ATP6V1D: variants seen among roughly 807,000 people sequenced by gnomAD.
ATP6V1D encodes the protein V-type proton ATPase subunit D.
In ATP6V1D, 20 loss-of-function variants were observed where a neutral mutation model predicts 39.4. The observed-to-expected ratio is 0.51, with a 90% CI of 0.36 to 0.74. The LOEUF is 0.74. ATP6V1D is among the 30% of genes least tolerant of loss of function. The pLI is 0.00. For synonymous variants in ATP6V1D, 100 were observed against 100.5 expected, an observed-to-expected ratio of 0.99 and a Z score of 0.03; for missense variants, 228 against 291.6, an observed-to-expected ratio of 0.78 and a Z score of 1.59.
At chr14:67,357,987 G>C (rs771367873) in intron 1 of ATP6V1D, among the ~76,000 whole-genome samples, 2 of 152,022 alleles carry the variant, frequency 1.3e-5, no homozygotes, top group African/African-American at 4.8e-5. Context: ...AGCCTGTTTC[G>C]TAAATGCTCT....
intron 1 of ATP6V1D, among the ~76,000 whole-genome samples, chr14:67,353,399 C>G (rs776319056): frequency 1.3e-5 from 2 of 152,102 alleles, no homozygotes; most frequent in East Asian, 1.9e-4. Flanking sequence ...ACCTGTAATC[C>G]CAGCTACAGG....
intron 6 of ATP6V1D, among the ~76,000 whole-genome samples, chr14:67,344,726 A>G (rs1325423523): frequency 6.6e-6 from 1 of 151,836 alleles, no homozygotes; most frequent in African/African-American, 2.4e-5. Flanking sequence ...TAAAAAATTC[A>G]AAAATATTAT....
chr14:67,346,832 G>T (rs900822164), intron 5 of ATP6V1D, among the ~76,000 whole-genome samples: 1 of 152,124 alleles, frequency 6.6e-6, no homozygotes, highest in Non-Finnish European at 1.5e-5. Context: ...TGTGGGTGTA[G>T]GATATGCAGA....
intron 4 of ATP6V1D, 53 bp from the exon 5 acceptor site, chr14:67,347,506 T>TC (rs1260908990): frequency 6.8e-7 from 1 of 1,480,590 alleles, no homozygotes; most frequent in Non-Finnish European, 9.2e-7. Context: ...TTCTCTCTTT[T>TC]TTTTTTTTTT....
intron 1 of ATP6V1D, among the ~76,000 whole-genome samples, chr14:67,353,397 T>G (rs1361914391): frequency 6.6e-6 from 1 of 152,128 alleles, no homozygotes; most frequent in Non-Finnish European, 1.5e-5. Flanking sequence ...ACACCTGTAA[T>G]CCCAGCTACA....
intron 2 of ATP6V1D, 61 bp downstream of exon 2, chr14:67,352,862 T>A (rs75969190): frequency 9.8e-7 from 1 of 1,024,822 alleles, no homozygotes; most frequent in African/African-American, 1.6e-5. Context: ...AAAAAAAAAA[T>A]GCCAAGGGCC....
At chr14:67,339,025 G>C (rs953299279) in intron 8 of ATP6V1D, among the ~76,000 whole-genome samples, 17 of 112,086 alleles carry the variant, frequency 1.5e-4, no homozygotes, top group Admixed American at 1.2e-4. Context: ...ATGGAGTCTT[G>C]CTCTGTCGCC....
chr14:67,350,383 G>A (rs1241831614), intron 3 of ATP6V1D, among the ~76,000 whole-genome samples: 2 of 152,126 alleles, frequency 1.3e-5, no homozygotes, highest in African/African-American at 4.8e-5. Context: ...AACGTTAAAT[G>A]AAAATGGACT....
Position 67,338,643 on chromosome 14 carries a change from T to C in ATP6V1D, c.722A>G (p.Asp241Gly), listed in dbSNP as rs1463666599. ...EPANLLAEEK[D>G]EDLLFE Reference sequence around the variant, plus strand: ...AGATTATTCAAATAGAAGATCCTCGTCCTTCTCTTCAGCCAGAAGATTAGC... The same window carrying C: ...AGATTATTCAAATAGAAGATCCTCGCCCTTCTCTTCAGCCAGAAGATTAGC... The change falls in exon 9 of 9, where the codon GAC becomes GGC. Residue 241 changes from aspartate (D) to glycine (G), a missense_variant. Physicochemically the swap from Asp to Gly is moderately conservative, Grantham distance 94 (BLOSUM62 -1). Coordinates refer to ENST00000216442, the MANE Select transcript of ATP6V1D (RefSeq NM_015994.4). 6.2e-7 allele frequency: 1 copy of C among 1,613,962 alleles called. No individual in the cohort carries two copies. The highest frequency in any genetic ancestry group is 8.5e-7 in the Non-Finnish European group (1 of 1,179,974).
intron 1 of ATP6V1D, among the ~76,000 whole-genome samples, chr14:67,353,503 T>G (rs1169469772): frequency 6.6e-6 from 1 of 151,626 alleles, no homozygotes; most frequent in Non-Finnish European, 1.5e-5. Flanking sequence ...TGTTGTTGTT[T>G]TTGAGATGGA....
chr14:67,355,317 TC>T (rs1177787578), intron 1 of ATP6V1D, among the ~76,000 whole-genome samples: 3 of 151,784 alleles, frequency 2.0e-5, no homozygotes, highest in Admixed American at 6.6e-5. Flanking sequence ...TCAATTTTTT[TC>T]CCCATCAGAA....
At chr14:67,353,494 GT>G (rs1367297206) in intron 1 of ATP6V1D, among the ~76,000 whole-genome samples, 1 of 151,926 alleles carries the variant, frequency 6.6e-6, no homozygotes, top group Non-Finnish European at 1.5e-5. Context: ...TGTTGTTGTT[GT>G]TGTTGTTTTT....
chr14:67,350,510 T>C lies in ATP6V1D; in HGVS notation c.239+101A>G, dbSNP rs1039582981. On this transcript the variant is annotated intron_variant, in intron 3 of 8. Transcript: ENST00000216442. ...TTTCTTATTATTACTATATCATTTG[T>C]CCTTAACGCTTATTTCTAAATTAAA... 2.3e-5 allele frequency: 22 copies of C among 967,850 alleles called. No individual in the cohort carries two copies. The African/African-American group carries it at 3.6e-4, about 16-fold the overall frequency. The allele number at this position is 967,850 out of a possible 1,614,324, so 60.0% of individuals were successfully genotyped here.
chr14:67,352,947 T>C lies in ATP6V1D; in HGVS notation c.135A>G (p.Arg45=), dbSNP rs1566602412. 1.2e-6 allele frequency: 2 copies of C among 1,611,774 alleles called. No homozygotes were observed. The highest frequency in any genetic ancestry group is 2.2e-5 in the East Asian group (1 of 44,856). ...CCTCTATTATCTTCTTTAGGATCTG[T>C]CGAAATCGAAGAGTTAAGGCATCAG... is the stretch of plus-strand genomic sequence containing the variant. ...KKSDALTLRF[R]QILKKIIETK... The change falls in exon 2 of 9, where the codon CGA becomes CGG. Residue 45 remains arginine, a synonymous_variant. Transcript: ENST00000216442.
chr14:67,338,836 TG>T (rs2085558494), intron 8 of ATP6V1D, 74 bp from the exon 9 acceptor site: 1 of 1,401,878 alleles, frequency 7.1e-7, no homozygotes, highest in Non-Finnish European at 9.7e-7. Flanking sequence ...CTTTGAGTTT[TG>T]TAACAAGGAT....
chr14:67,341,396 G>A (rs1226788329), intron 7 of ATP6V1D, among the ~76,000 whole-genome samples: 3 of 151,452 alleles, frequency 2.0e-5, no homozygotes, highest in Non-Finnish European at 2.9e-5. Flanking sequence ...CCCTCCGCCC[G>A]GCAGCCGCCC....
At chr14:67,342,459 A>C (rs1424416802) in intron 7 of ATP6V1D, among the ~76,000 whole-genome samples, 1 of 151,106 alleles carries the variant, frequency 6.6e-6, no homozygotes, top group Non-Finnish European at 1.5e-5. Context: ...GAGCAGAGAG[A>C]ATGCTCGATT....
intron 7 of ATP6V1D, among the ~76,000 whole-genome samples, chr14:67,340,935 C>T (rs1048044978): frequency 6.6e-6 from 1 of 152,254 alleles, no homozygotes; most frequent in African/African-American, 2.4e-5. Flanking sequence ...CTCGGCCTCC[C>T]GAGGTGCCGG....
chr14:67,358,416 G>A (rs985473094), intron 1 of ATP6V1D, among the ~76,000 whole-genome samples: 2 of 152,124 alleles, frequency 1.3e-5, no homozygotes, highest in Non-Finnish European at 2.9e-5. Context: ...TTTATTTTAA[G>A]CATCCTCAGA....
Sources: allele counts gnomAD v4.1 joint callset (sites outside exome capture counted in the v4.1 genomes callset), GRCh38; gene constraint gnomAD v4.1.1; transcripts MANE v1.5; gene names NCBI Gene and HGNC (gene_info 2026-07-23, HGNC 2026-07-21).